TTC8: variants seen among roughly 807,000 people sequenced by gnomAD.
TTC8 encodes tetratricopeptide repeat domain 8.
TTC8 carries 47 observed loss-of-function variants against 72.5 expected under a neutral mutation model. That is an observed-to-expected ratio of 0.65 (90% CI 0.51 to 0.83). TTC8 has a LOEUF of 0.83. Among genes scored for constraint, TTC8 ranks in the 40% least tolerant of loss-of-function variants. The pLI, the probability that TTC8 is intolerant of heterozygous loss-of-function variation, is 0.00. For missense variants in TTC8, 611 were observed against 623.2 expected, an observed-to-expected ratio of 0.98 and a Z score of 0.21; for synonymous variants, 199 against 221.4, an observed-to-expected ratio of 0.90 and a Z score of 0.90.
intron 7 of TTC8, among the ~76,000 whole-genome samples, chr14:88,848,802 A>G (rs2094820331): frequency 6.6e-6 from 1 of 152,212 alleles, no homozygotes; most frequent in South Asian, 2.1e-4. Flanking sequence ...TTTGAGGTTA[A>G]GATGTATTCA....
At chr14:88,853,161 A>ATGTT in intron 8 of TTC8, 105 bp downstream of exon 8, 1 of 800,488 alleles carries the variant, frequency 1.2e-6, no homozygotes, top group Admixed American at 2.0e-5. Flanking sequence ...AGAAATGAGA[A>ATGTT]CTGTGTCTTT....
chr14:88,836,248 T>C (rs1595934844), intron 2 of TTC8, among the ~76,000 whole-genome samples: 1 of 152,286 alleles, frequency 6.6e-6, no homozygotes, highest in East Asian at 1.9e-4. Flanking sequence ...CGCAGCACTT[T>C]AGGAGGCCAA....
At chr14:88,874,923 C>T in intron 13 of TTC8, 103 bp from the exon 14 acceptor site, 2 of 777,644 alleles carry the variant, frequency 2.6e-6, no homozygotes, top group Non-Finnish European at 2.1e-6. Context: ...TATTAAAGTC[C>T]TGTCATAGGT....
chr14:88,829,804 G>A (rs1424413126), intron 1 of TTC8, among the ~76,000 whole-genome samples: 1 of 152,126 alleles, frequency 6.6e-6, no homozygotes, highest in East Asian at 1.9e-4. Flanking sequence ...ATGAAACCAG[G>A]GCTCCCCAAT....
In TTC8 at chr14:88,871,073, G is replaced by C. The variant is rs2094931687; in HGVS notation, c.1050-476G>C. ...GCTGATGGTCTTGTCTTCCTCAGTG[G>C]AAGCTCATTGGAGTTCAGTAGACAC... On this transcript the variant is annotated intron_variant, in intron 11 of 14. Coordinates refer to ENST00000380656, the MANE Select transcript of TTC8 (RefSeq NM_144596.4). This position sits in a 1 kb window ranked among gnomAD's most constrained non-coding sequence, Gnocchi z 4.1. 6.6e-6 allele frequency among the ~76,000 whole-genome samples: 1 copy of C among 152,206 alleles called. No homozygotes were observed. Among genetic ancestry groups the C allele is most frequent in the African/African-American group, 2.4e-5 (1 of 41,446 alleles).
chr14:88,846,090 G>A (rs753470018), intron 7 of TTC8, among the ~76,000 whole-genome samples: 6 of 151,964 alleles, frequency 3.9e-5, no homozygotes, highest in African/African-American at 9.7e-5. Context: ...GTGTATCACT[G>A]GAGCCCAGGG....
intron 9 of TTC8, among the ~76,000 whole-genome samples, chr14:88,857,772 G>T (rs770540445): frequency 2.6e-5 from 4 of 152,060 alleles, no homozygotes. Context: ...CCCTGCAAAG[G>T]TGAGTTTTAT....
intron 10 of TTC8, among the ~76,000 whole-genome samples, chr14:88,862,586 A>G (rs1294199251): frequency 1.1e-3 from 80 of 76,046 alleles, no homozygotes; most frequent in African/African-American, 3.9e-3. Context: ...ATATATATAT[A>G]TATATATATA....
At chr14:88,826,636 GGAGCTTGCAGTGAGCGGA>G (rs2094702441) in intron 1 of TTC8, among the ~76,000 whole-genome samples, 1 of 152,070 alleles carries the variant, frequency 6.6e-6, no homozygotes, top group Admixed American at 6.5e-5. Context: ...CCCGGAAGGC[GGAGCTTGCAGTGAGCGGA>G]GATCGCACCA....
chr14:88,846,512 G>T, intron 7 of TTC8: 1 of 662,730 alleles, frequency 1.5e-6, no homozygotes, highest in South Asian at 2.0e-5. Flanking sequence ...GGCCTGTGAG[G>T]GGGAAGAGTT....
At position 88,832,959 on chromosome 14, in the gene TTC8, G is replaced by A. The variant is rs114451426; in HGVS notation, c.115-734G>A. Among the ~76,000 whole-genome samples the A allele has an allele frequency of 5.5e-3, 838 of 152,190 alleles. 15 individuals are homozygous for A. In the South Asian group the frequency reaches 0.07, roughly 13 times the overall value. ...TTTTCCTCTCATGTTCCTACCATGC[G>A]TCATGTTAAATAAATTACCTGTCCT... is the stretch of plus-strand genomic sequence containing the variant. On this transcript the variant is annotated intron_variant, in intron 1 of 14. Transcript: ENST00000380656.
chr14:88,863,215 A>G (rs1446289481), intron 10 of TTC8, among the ~76,000 whole-genome samples: 2 of 152,130 alleles, frequency 1.3e-5, no homozygotes, highest in Admixed American at 1.3e-4. Context: ...CCCCCAAACC[A>G]CGCTGAGATT....
chr14:88,870,707 T>C (rs1054531246), intron 11 of TTC8, among the ~76,000 whole-genome samples: 3 of 152,220 alleles, frequency 2.0e-5, no homozygotes, highest in African/African-American at 7.2e-5. Flanking sequence ...TAAGTACTTA[T>C]TTCATCCTAC....
chr14:88,851,277 T>C (rs1242721175), intron 7 of TTC8, among the ~76,000 whole-genome samples: 1 of 152,212 alleles, frequency 6.6e-6, no homozygotes, highest in East Asian at 1.9e-4. Flanking sequence ...TTCATCATTA[T>C]AATTTCTTTT....
downstream of TTC8, chr14:88,879,553 A>G (rs2094967375): frequency 6.6e-6 from 1 of 151,924 alleles, no homozygotes; most frequent in South Asian, 2.1e-4. Flanking sequence ...TAACTCTTCC[A>G]TTGCATTTCT....
intron 11 of TTC8, among the ~76,000 whole-genome samples, chr14:88,870,497 T>C (rs1332815957): frequency 6.6e-6 from 1 of 152,230 alleles, no homozygotes; most frequent in East Asian, 1.9e-4. Flanking sequence ...TTAAAACTTA[T>C]CATCATCATT....
intron 14 of TTC8, 94 bp from the exon 15 acceptor site, chr14:88,877,200 C>A: frequency 1.1e-6 from 1 of 884,096 alleles, no homozygotes; most frequent in Non-Finnish European, 1.9e-6. Context: ...TGAATTTCTA[C>A]AGCATGCAGA....
Position 88,841,027 on chromosome 14 carries a change from A to C in TTC8, c.330-10A>C, listed in dbSNP as rs2094778248. 1 of 1,614,048 alleles carries C rather than the reference A, an allele frequency of 6.2e-7. No homozygotes were observed. Among genetic ancestry groups the C allele is most frequent in the Non-Finnish European group, 8.5e-7 (1 of 1,179,980 alleles). On this transcript the variant is annotated splice_polypyrimidine_tract_variant and intron_variant, in intron 4 of 14. Transcript: ENST00000380656. ...CTTCTTTGTATTATAACAATTTATA[A>C]TCTTCACAGGCCAATCACACAAGCT...
intron 1 of TTC8, among the ~76,000 whole-genome samples, chr14:88,830,031 T>G (rs983797311): frequency 3.9e-5 from 6 of 152,210 alleles, no homozygotes; most frequent in African/African-American, 1.4e-4. Flanking sequence ...GGTCACTAGA[T>G]CTCTCTAACC....
Sources: gnomAD v4.1 joint callset for allele counts (sites outside exome capture counted in the v4.1 genomes callset) on GRCh38, gnomAD v4.1.1 for gene constraint, Gnocchi (gnomAD v3.1) non-coding constraint, MANE v1.5 for transcripts, NCBI Gene and HGNC (gene_info 2026-07-23, HGNC 2026-07-21) for gene names.